The following KBTBD12 variants were observed in gnomAD, a reference collection of about 807,000 sequenced individuals.
The protein encoded by KBTBD12 is kelch repeat and BTB domain-containing protein 12.
A neutral mutation model predicts 58.7 loss-of-function variants in KBTBD12; 53 were observed. The ratio of observed to expected loss-of-function variants is 0.90; its 90% CI spans 0.72 to 1.14. The LOEUF (loss-of-function observed/expected upper bound fraction) is 1.14, where lower values mean the gene tolerates loss of function less well. Among genes scored for constraint, KBTBD12 ranks in the 50% most tolerant of loss-of-function variants. KBTBD12 has a pLI of 0.00. For synonymous variants in KBTBD12, 236 were observed against 259.8 expected, an observed-to-expected ratio of 0.91 and a Z score of 0.88; for missense variants, 704 against 751.3, an observed-to-expected ratio of 0.94 and a Z score of 0.74.
intron 4 of KBTBD12, among the ~76,000 whole-genome samples, chr3:127,960,913 G>A (rs1355457475): frequency 6.6e-6 from 1 of 152,188 alleles, no homozygotes; most frequent in Non-Finnish European, 1.5e-5. Flanking sequence ...AAAATCAAGA[G>A]AATAATACCC....
At position 127,986,122 on chromosome 3, in the gene KBTBD12, C is replaced by G. The variant is rs1357884750; in HGVS notation, c.*1844C>G. 1.3e-5 allele frequency: 2 copies of G among 152,604 alleles called. No individual in the cohort carries two copies. The highest frequency in any genetic ancestry group is 2.4e-5 in the African/African-American group (1 of 41,424). 9.5% of individuals were successfully genotyped at this position (152,604 alleles called of 1,614,324 possible). A position where few individuals can be genotyped will look rare whatever the true frequency, so the allele number is the denominator to read the frequency against. The stretch of plus-strand genomic sequence containing the variant: ...GCCGCGTCTCCCTGGCTCAAGGAGG[C>G]CTTGTTGGCATGTCATGGCACATCT... On this transcript the variant is annotated 3_prime_UTR_variant, in exon 6 of 6. Transcript: ENST00000405109.
intron 1 of KBTBD12, among the ~76,000 whole-genome samples, chr3:127,918,978 T>C (rs541424642): frequency 1.3e-5 from 2 of 152,252 alleles, no homozygotes; most frequent in South Asian, 4.2e-4. Flanking sequence ...TAAAAATGGT[T>C]TTTTTTAAAC....
At chr3:127,953,743 C>A (rs528405732) in intron 4 of KBTBD12, among the ~76,000 whole-genome samples, 1 of 152,276 alleles carries the variant, frequency 6.6e-6, no homozygotes, top group South Asian at 2.1e-4. Context: ...ATAGTTTTTC[C>A]TGGAAATCTA....
At chr3:127,948,949 G>A (rs1322796382) in intron 4 of KBTBD12, among the ~76,000 whole-genome samples, 1 of 152,158 alleles carries the variant, frequency 6.6e-6, no homozygotes, top group Non-Finnish European at 1.5e-5. Flanking sequence ...CTTAATACCT[G>A]TCTGGCATAT....
At position 127,969,781 on chromosome 3, in the gene KBTBD12, G is replaced by A. The variant is rs551764906; in HGVS notation, c.1690+6395G>A. Among the ~76,000 whole-genome samples the A allele has an allele frequency of 4.6e-5, 7 of 152,246 alleles. No individual in the cohort carries two copies. In the East Asian group the frequency reaches 1.2e-3, roughly 25 times the overall value. On this transcript the variant is annotated intron_variant, in intron 5 of 5. Transcript: ENST00000405109. ...GGATATCCACATGCAAAATAATGAA[G>A]TTGGAATCCTGCCTCTTACCATGTA...
chr3:127,961,945 G>A (rs1364223348), intron 4 of KBTBD12, among the ~76,000 whole-genome samples: 1 of 152,220 alleles, frequency 6.6e-6, no homozygotes, highest in Non-Finnish European at 1.5e-5. Flanking sequence ...TAAAAGCCAT[G>A]AGATCAAAGC....
At position 127,984,298 on chromosome 3, in the gene KBTBD12, C is replaced by T. The variant is rs1307481859; in HGVS notation, c.*20C>T. Reference sequence around the variant, plus strand: ...CACTAAGGTGACCTTGCTGGAGGACCTCCTGCTGTTCTGCAAACAAGGCCT... The same window carrying T: ...CACTAAGGTGACCTTGCTGGAGGACTTCCTGCTGTTCTGCAAACAAGGCCT... On this transcript the variant is annotated 3_prime_UTR_variant, in exon 6 of 6. Transcript: ENST00000405109. 6 of 1,607,586 alleles carry T rather than the reference C, an allele frequency of 3.7e-6. No individual in the cohort carries two copies. The highest frequency in any genetic ancestry group is 3.4e-6 in the Non-Finnish European group (4 of 1,176,636).
chr3:127,952,488 A>G (rs947769262), intron 4 of KBTBD12, among the ~76,000 whole-genome samples: 1 of 152,156 alleles, frequency 6.6e-6, no homozygotes, highest in Non-Finnish European at 1.5e-5. Context: ...CTGTTATGTT[A>G]CCAGATTGTA....
At chr3:127,932,627 G>C (rs1939731578) in intron 4 of KBTBD12, among the ~76,000 whole-genome samples, 1 of 152,108 alleles carries the variant, frequency 6.6e-6, no homozygotes, top group Non-Finnish European at 1.5e-5. Flanking sequence ...GTAAAGTAGG[G>C]AAGACACTAG....
At chr3:127,956,557 C>G (rs1431490996) in intron 4 of KBTBD12, among the ~76,000 whole-genome samples, 1 of 151,646 alleles carries the variant, frequency 6.6e-6, no homozygotes, top group African/African-American at 2.4e-5. Flanking sequence ...CTTAAATTAA[C>G]TACAAGTTTA....
intron 1 of KBTBD12, among the ~76,000 whole-genome samples, chr3:127,918,575 G>C (rs1189939134): frequency 6.6e-6 from 1 of 152,106 alleles, no homozygotes; most frequent in African/African-American, 2.4e-5. Context: ...AGCTGGGGGT[G>C]GTGGCGGGCG....
chr3:127,922,102 A>G (rs945798721), intron 1 of KBTBD12, among the ~76,000 whole-genome samples: 1 of 152,140 alleles, frequency 6.6e-6, no homozygotes, highest in African/African-American at 2.4e-5. Context: ...ATTTAAATTA[A>G]CTTCCTTGAA....
intron 4 of KBTBD12, among the ~76,000 whole-genome samples, chr3:127,959,873 C>T (rs1940395796): frequency 6.6e-6 from 1 of 152,220 alleles, no homozygotes; most frequent in Non-Finnish European, 1.5e-5. Flanking sequence ...TAAATGGTGA[C>T]ACAGGGTAGG....
At chr3:127,949,622 T>C (rs1940162815) in intron 4 of KBTBD12, among the ~76,000 whole-genome samples, 3 of 152,208 alleles carry the variant, frequency 2.0e-5, no homozygotes, top group Non-Finnish European at 2.9e-5. Flanking sequence ...AATATAGCTC[T>C]TGAGTGGACA....
At chr3:127,981,101 A>G (rs1430070690) in intron 5 of KBTBD12, among the ~76,000 whole-genome samples, 2 of 152,180 alleles carry the variant, frequency 1.3e-5, no homozygotes, top group African/African-American at 4.8e-5. Context: ...ATTAATATCC[A>G]TCTCTAACTG....
intron 4 of KBTBD12, among the ~76,000 whole-genome samples, chr3:127,957,034 T>G (rs571731775): frequency 1.6e-4 from 25 of 152,326 alleles, no homozygotes; most frequent in Middle Eastern, 6.8e-3. Flanking sequence ...ATGGAAAATT[T>G]TTGTGCTTTA....
intron 1 of KBTBD12, among the ~76,000 whole-genome samples, chr3:127,920,392 C>CTT (rs78135551): frequency 6.7e-5 from 9 of 133,896 alleles, no homozygotes; most frequent in South Asian, 2.4e-4. Context: ...CTAGTTCATT[C>CTT]TTTTTTTTTT....
chr3:127,923,676 CAA>C lies in KBTBD12; in HGVS notation c.617_618del (p.Lys206ArgfsTer9). On this transcript the variant is annotated frameshift_variant, in exon 2 of 6. Transcript: ENST00000405109. LOFTEE classifies it high-confidence loss of function. Reference sequence around the variant, plus strand: ...TAGTTCTGAGATGGGTAAATCATAACAAAGAATTGCGTACAGTGCATCTTGTT... The same window carrying C: ...TAGTTCTGAGATGGGTAAATCATAACAGAATTGCGTACAGTGCATCTTGTT... ...DLVLRWVNHN[K>X]ELRTVHLVEL... 6.2e-7 allele frequency: 1 copy of C among 1,613,744 alleles called. No homozygotes were observed. Among genetic ancestry groups the C allele is most frequent in the Non-Finnish European group, 8.5e-7 (1 of 1,179,786 alleles).
At chr3:127,982,288 C>T (rs931378904) in intron 5 of KBTBD12, among the ~76,000 whole-genome samples, 2 of 152,218 alleles carry the variant, frequency 1.3e-5, no homozygotes, top group African/African-American at 4.8e-5. Context: ...CCTCCCCAGG[C>T]TGGCCAGTCC....
Sources: allele counts gnomAD v4.1 joint callset (sites outside exome capture counted in the v4.1 genomes callset), GRCh38; gene constraint gnomAD v4.1.1; transcripts MANE v1.5; gene names NCBI Gene and HGNC (gene_info 2026-07-23, HGNC 2026-07-21).